SKIDA1: variants seen among roughly 807,000 people sequenced by gnomAD.
SKIDA1 encodes SKI/DACH domain containing 1, also known as SKI/DACH domain-containing protein 1.
Under a neutral mutation model 51.4 loss-of-function variants are expected in SKIDA1, and 18 were observed. That is an observed-to-expected ratio of 0.35 (90% CI 0.24 to 0.52). The LOEUF is 0.52. SKIDA1 is among the 20% of genes least tolerant of loss of function. SKIDA1 has a pLI of 0.95. For missense variants in SKIDA1, 1,104 were observed against 1,180.6 expected, an observed-to-expected ratio of 0.94 and a Z score of 0.95; for synonymous variants, 579 against 500.5, an observed-to-expected ratio of 1.16 and a Z score of -2.09.
At position 21,516,525 on chromosome 10, in the gene SKIDA1, G is replaced by T; in HGVS notation, c.1298C>A (p.Ala433Asp). 1 of 1,568,072 alleles carries T rather than the reference G, an allele frequency of 6.4e-7. No homozygotes were observed. Among genetic ancestry groups the T allele is most frequent in the South Asian group, 1.2e-5 (1 of 86,420 alleles). The part of the protein sequence containing the change: ...EEEEEEGGSG[A>D]SDSSEVSSEE... The stretch of plus-strand genomic sequence containing the variant: ...CGAGCTGACTTCACTGGAATCCGAG[G>T]CCCCGCTGCCCCCCTCCTCCTCCTC... Residue 433 changes from alanine to aspartate, a missense_variant, in exon 4 of 4, where the codon GCC becomes GAC. Ala to Asp is a moderately radical substitution (Grantham distance 126). Transcript: ENST00000449193. The surrounding 1 kb of genome is among the most constrained non-coding windows in gnomAD (Gnocchi z 5.7).
At position 21,516,421 on chromosome 10, in the gene SKIDA1, G is replaced by A; in HGVS notation, c.1402C>T (p.Arg468Cys). 1 of 1,613,394 alleles carries A rather than the reference G, an allele frequency of 6.2e-7. No individual in the cohort carries two copies. Among genetic ancestry groups the A allele is most frequent in the South Asian group, 1.1e-5 (1 of 91,064 alleles). ...CTGGGAGGCTTGCAGAAGCTGGTGCGCCTGAATCGGATGCTCTGCACTGAC... is the reference window on the plus strand; with the variant it reads ...CTGGGAGGCTTGCAGAAGCTGGTGCACCTGAATCGGATGCTCTGCACTGAC... ...QVSVQSIRFR[R>C]TSFCKPPSVQ... Residue 468 changes from arginine to cysteine, a missense_variant, in exon 4 of 4, where the codon CGC becomes TGC. Around this residue, in one of 3 missense-constraint regions of SKIDA1, gnomAD observed 938 missense variants for 886.4 expected, o/e 1.06. Coordinates refer to ENST00000449193, the MANE Select transcript of SKIDA1 (RefSeq NM_207371.4). The surrounding 1 kb of genome is among the most constrained non-coding windows in gnomAD (Gnocchi z 5.7).
Position 21,515,586 on chromosome 10 carries a change from G to A in SKIDA1, c.2237C>T (p.Pro746Leu), listed in dbSNP as rs749987100. 17 of 1,613,908 alleles carry A rather than the reference G, an allele frequency of 1.1e-5. No individual in the cohort carries two copies. The highest frequency in any genetic ancestry group is 5.3e-5 in the African/African-American group (4 of 74,928). The change falls in exon 4 of 4, where the codon CCT becomes CTT. Residue 746 changes from proline (P) to leucine (L), a missense_variant. Around this residue, in one of 3 missense-constraint regions of SKIDA1, gnomAD observed 938 missense variants for 886.4 expected, o/e 1.06. Coordinates refer to ENST00000449193, the MANE Select transcript of SKIDA1 (RefSeq NM_207371.4). ...ACTTTGAGCCAGTGGATTTAAGGAA[G>A]GAGTTTCTTTTTCAGGGCATGCAAA... ...EGFACPEKETPSLNPLAQSQG... is the reference protein window; with the variant it reads ...EGFACPEKETLSLNPLAQSQG...
chr10:21,516,789 T>G lies in SKIDA1; in HGVS notation c.1034A>C (p.His345Pro), dbSNP rs2032226349. ...PPHHHHHHHH[H>P]HHHHHHRAQP... ...GGCCCGGTGGTGGTGGTGGTGGTGG[T>G]GATGGTGGTGGTGGTGGTGGTGGTG... Residue 345 changes from histidine to proline, a missense_variant, in exon 4 of 4, where the codon CAC becomes CCC. His to Pro is a moderately conservative substitution (Grantham distance 77). Transcript: ENST00000449193. The surrounding 1 kb of genome is among the most constrained non-coding windows in gnomAD (Gnocchi z 5.7). 6.5e-7 allele frequency: 1 copy of G among 1,537,056 alleles called. No individual in the cohort carries two copies. The highest frequency in any genetic ancestry group is 8.7e-7 in the Non-Finnish European group (1 of 1,143,542).
chr10:21,517,478 C>A lies in SKIDA1; in HGVS notation c.345G>T (p.Lys115Asn). The A allele has an allele frequency of 6.5e-7, 1 of 1,540,212 alleles. No homozygotes were observed. Among genetic ancestry groups the A allele is most frequent in the Non-Finnish European group, 8.7e-7 (1 of 1,144,214 alleles). Reference sequence around the variant, plus strand: ...CAGCGGCGCGCTCTGGCGGCGGCGCCTTTGTGGCCAGGGCCCGGCCGACCC... The same window carrying A: ...CAGCGGCGCGCTCTGGCGGCGGCGCATTTGTGGCCAGGGCCCGGCCGACCC... The part of the protein sequence containing the change: ...RRRVGRALAT[K>N]APPPERAAAA... The change falls in exon 4 of 4, where the codon AAG (lysine) becomes AAT (asparagine). Residue 115 changes from lysine to asparagine, a missense_variant. Around this residue, in one of 3 missense-constraint regions of SKIDA1, gnomAD observed 938 missense variants for 886.4 expected, o/e 1.06. Coordinates refer to ENST00000449193, the MANE Select transcript of SKIDA1 (RefSeq NM_207371.4). The surrounding 1 kb of genome is among the most constrained non-coding windows in gnomAD (Gnocchi z 6.9).
rs1363021534 is a variant in SKIDA1, at chr10:21,523,743, A to C, written c.-1989T>G. 6.6e-6 allele frequency: 1 copy of C among 152,190 alleles called. No homozygotes were observed. Among genetic ancestry groups the C allele is most frequent in the Non-Finnish European group, 1.5e-5 (1 of 68,058 alleles). 9.4% of individuals were successfully genotyped at this position (152,190 alleles called of 1,614,324 possible). On this transcript the variant is annotated 5_prime_UTR_variant, in exon 2 of 4. Transcript: ENST00000449193. ...ACCACGAGGGGAGAGAGGAGAGACA[A>C]GACATGAGGAGCCTGATGGTCTCTG...
Position 21,517,675 on chromosome 10 carries a change from C to T in SKIDA1, c.148G>A (p.Asp50Asn), listed in dbSNP as rs2032285679. 1 of 1,613,864 alleles carries T rather than the reference C, an allele frequency of 6.2e-7. No individual in the cohort carries two copies. Among genetic ancestry groups the T allele is most frequent in the African/African-American group, 1.3e-5 (1 of 74,928 alleles). The part of the protein sequence containing the change: ...IPRTTVHKRM[D>N]HLKVKKHHCD... ...TGGTGCTTCTTCACTTTCAGATGATCCATGCGCTTGTGCACGGTCGTCCTC... is the reference window on the plus strand; with the variant it reads ...TGGTGCTTCTTCACTTTCAGATGATTCATGCGCTTGTGCACGGTCGTCCTC... Residue 50 changes from aspartate to asparagine, a missense_variant, in exon 4 of 4, where the codon GAT becomes AAT. Physicochemically the swap from Asp to Asn is conservative, Grantham distance 23. Transcript: ENST00000449193. This position sits in a 1 kb window ranked among gnomAD's most constrained non-coding sequence, Gnocchi z 6.9.
intron 1 of SKIDA1, chr10:21,524,616 G>A (rs2032592891): frequency 8.3e-6 from 1 of 119,812 alleles, no homozygotes; most frequent in Non-Finnish European, 1.7e-5. Flanking sequence ...GCTACAGCTT[G>A]CAGCAACGTG....
At position 21,517,672 on chromosome 10, in the gene SKIDA1, G is replaced by A. The variant is rs1564335755; in HGVS notation, c.151C>T (p.His51Tyr). 6.2e-7 allele frequency: 1 copy of A among 1,614,010 alleles called. No homozygotes were observed. Among genetic ancestry groups the A allele is most frequent in the Non-Finnish European group, 8.5e-7 (1 of 1,179,896 alleles). ...CAGTGGTGCTTCTTCACTTTCAGATGATCCATGCGCTTGTGCACGGTCGTC... is the reference window on the plus strand; with the variant it reads ...CAGTGGTGCTTCTTCACTTTCAGATAATCCATGCGCTTGTGCACGGTCGTC... Reference protein sequence around the residue: ...PRTTVHKRMDHLKVKKHHCDL... With the variant: ...PRTTVHKRMDYLKVKKHHCDL... The change falls in exon 4 of 4, where the codon CAT becomes TAT. Residue 51 changes from histidine to tyrosine, a missense_variant. Around this residue, in one of 3 missense-constraint regions of SKIDA1, gnomAD observed 54 missense variants for 126.0 expected, o/e 0.43. Coordinates refer to ENST00000449193, the MANE Select transcript of SKIDA1 (RefSeq NM_207371.4). This position sits in a 1 kb window ranked among gnomAD's most constrained non-coding sequence, Gnocchi z 6.9.
At chr10:21,522,225 CT>C (rs1347931238) in intron 2 of SKIDA1, among the ~76,000 whole-genome samples, 9 of 140,664 alleles carry the variant, frequency 6.4e-5, no homozygotes, top group Admixed American at 1.5e-4. Context: ...TCCTTCCAAG[CT>C]TTCACCCATA....
rs1477032834 is a variant in SKIDA1, at chr10:21,516,273, G to A, written c.1550C>T (p.Pro517Leu). Reference sequence around the variant, plus strand: ...CCAGCTCTGCAGATTCCACTCCGCCGGCGACTCCGCTTTGACACTACTCTT... The same window carrying A: ...CCAGCTCTGCAGATTCCACTCCGCCAGCGACTCCGCTTTGACACTACTCTT... ...DLKSSVKAES[P>L]AEWNLQSWAP... The change falls in exon 4 of 4, where the codon CCG (proline) becomes CTG (leucine). Residue 517 changes from proline to leucine, a missense_variant. Physicochemically the swap from Pro to Leu is moderately conservative, Grantham distance 98. Transcript: ENST00000449193. The surrounding 1 kb of genome is among the most constrained non-coding windows in gnomAD (Gnocchi z 5.7). 1 of 1,613,810 alleles carries A rather than the reference G, an allele frequency of 6.2e-7. No homozygotes were observed. Among genetic ancestry groups the A allele is most frequent in the African/African-American group, 1.3e-5 (1 of 74,938 alleles).
intron 2 of SKIDA1, 80 bp from the exon 3 acceptor site, chr10:21,521,560 T>C (rs564371552): frequency 5.0e-4 from 76 of 152,592 alleles, no homozygotes; most frequent in Non-Finnish European, 9.0e-4. Flanking sequence ...ACTTCTATGT[T>C]TCTCAAATGC....
At position 21,516,576 on chromosome 10, in the gene SKIDA1, T is replaced by A. The variant is rs1271292970; in HGVS notation, c.1247A>T (p.Glu416Val). The A allele has an allele frequency of 3.2e-6, 5 of 1,550,680 alleles. No homozygotes were observed. The highest frequency in any genetic ancestry group is 4.4e-6 in the Non-Finnish European group (5 of 1,146,778). The stretch of plus-strand genomic sequence containing the variant: ...TTCCTCCTCCTCCTCCTCTCCCTCC[T>A]CCTCCTCTTCCTCTGAGGACACAGA... ...SNSVSSEEEEEEGEEEEEEEE... is the reference protein window; with the variant it reads ...SNSVSSEEEEVEGEEEEEEEE... The change falls in exon 4 of 4, where the codon GAG becomes GTG. Residue 416 changes from glutamate (E) to valine (V), a missense_variant. Glu to Val is a moderately radical substitution (Grantham distance 121). Around this residue, in one of 3 missense-constraint regions of SKIDA1, gnomAD observed 938 missense variants for 886.4 expected, o/e 1.06. Transcript: ENST00000449193. This position sits in a 1 kb window ranked among gnomAD's most constrained non-coding sequence, Gnocchi z 5.7.
In SKIDA1 at chr10:21,519,227, A is replaced by G. The variant is rs1044207932; in HGVS notation, c.-1405T>C. ...AAGGTGCTTCCAGAGGTTTTACGTA[A>G]TAACAATGAAAAGAAAGTGCTGATG... is the stretch of plus-strand genomic sequence containing the variant. On this transcript the variant is annotated 5_prime_UTR_variant, in exon 4 of 4. Coordinates refer to ENST00000449193, the MANE Select transcript of SKIDA1 (RefSeq NM_207371.4). 9.6e-5 allele frequency: 16 copies of G among 167,068 alleles called. No individual in the cohort carries two copies. Among genetic ancestry groups the G allele is most frequent in the African/African-American group, 3.4e-4 (14 of 41,440 alleles). The allele number at this position is 167,068 out of a possible 1,614,324, so 10.3% of individuals were successfully genotyped here. A position where few individuals can be genotyped will look rare whatever the true frequency, so the allele number is the denominator to read the frequency against.
rs754621872 is a variant in SKIDA1 at position 21,517,124 on chromosome 10, AGCGGCGGCG to A, written c.690_698del (p.Ala242_Ala244del). ...CGGCGGCGGCGGCGGCGGCGGCAGC[AGCGGCGGCG>A]GCGGCGGCGGCGGCGGCTGCCGGGT... On this transcript the variant is annotated inframe_deletion, in exon 4 of 4. Transcript: ENST00000449193. The surrounding 1 kb of genome is among the most constrained non-coding windows in gnomAD (Gnocchi z 6.9). 976 of 1,042,084 alleles carry A rather than the reference AGCGGCGGCG, an allele frequency of 9.4e-4. 11 individuals carry two copies. Among genetic ancestry groups the A allele is most frequent in the Non-Finnish European group, 7.0e-4 (604 of 862,216 alleles). 64.6% of individuals were successfully genotyped at this position (1,042,084 alleles called of 1,614,324 possible).
At position 21,517,800 on chromosome 10, in the gene SKIDA1, A is replaced by G. The variant is rs759065865; in HGVS notation, c.23T>C (p.Phe8Ser). The G allele has an allele frequency of 3.7e-6, 6 of 1,609,404 alleles. No individual in the cohort carries two copies. The highest frequency in any genetic ancestry group is 5.1e-6 in the Non-Finnish European group (6 of 1,176,238). MGDLKSGFEEVDGVRLGY... is the reference protein window; with the variant it reads MGDLKSGSEEVDGVRLGY... Reference sequence around the variant, plus strand: ...GAGCCTCACGCCATCCACCTCTTCAAAACCTGACTTCAGGTCTCCCATCTC... The same window carrying G: ...GAGCCTCACGCCATCCACCTCTTCAGAACCTGACTTCAGGTCTCCCATCTC... The change falls in exon 4 of 4, where the codon TTT (phenylalanine) becomes TCT (serine). Residue 8 changes from phenylalanine (F) to serine (S), a missense_variant. Around this residue, in one of 3 missense-constraint regions of SKIDA1, gnomAD observed 54 missense variants for 126.0 expected, o/e 0.43. Transcript: ENST00000449193. This position sits in a 1 kb window ranked among gnomAD's most constrained non-coding sequence, Gnocchi z 6.9.
chr10:21,520,478 A>G (rs976460675), intron 3 of SKIDA1, among the ~76,000 whole-genome samples: 1 of 19,996 alleles, frequency 5.0e-5, no homozygotes, highest in African/African-American at 2.6e-4. Flanking sequence ...TCCCACCCCC[A>G]CCCCCGCCAT....
chr10:21,524,320 G>A (rs1447165313), intron 1 of SKIDA1, among the ~76,000 whole-genome samples: 1 of 152,012 alleles, frequency 6.6e-6, no homozygotes, highest in African/African-American at 2.4e-5. Context: ...ATACAAACCT[G>A]CCTTTTACTA....
Position 21,515,471 on chromosome 10 carries a change from T to C in SKIDA1, c.2352A>G (p.Leu784=). 6.2e-7 allele frequency: 1 copy of C among 1,614,048 alleles called. No homozygotes were observed. Among genetic ancestry groups the C allele is most frequent in the South Asian group, 1.1e-5 (1 of 91,086 alleles). ...GARVRKNYRT[L]VLGKRPVLQT... is the part of the protein sequence containing the mutation. ...GAAGGACAGGTCGCTTTCCCAGTAC[T>C]AGTGTCCGGTAATTTTTTCTCACCC... Residue 784 remains leucine (L), a synonymous_variant, in exon 4 of 4, where the codon CTA becomes CTG. Transcript: ENST00000449193.
chr10:21,517,124 A>AGCGGCGGCGGCGGCGGCG lies in SKIDA1; in HGVS notation c.681_698dup (p.Ala239_Ala244dup). The AGCGGCGGCGGCGGCGGCG allele has an allele frequency of 2.9e-6, 3 of 1,042,036 alleles. No individual in the cohort carries two copies. Among genetic ancestry groups the AGCGGCGGCGGCGGCGGCG allele is most frequent in the Non-Finnish European group, 3.5e-6 (3 of 862,208 alleles). 64.5% of individuals were successfully genotyped at this position (1,042,036 alleles called of 1,614,324 possible). On this transcript the variant is annotated inframe_insertion, in exon 4 of 4. Coordinates refer to ENST00000449193, the MANE Select transcript of SKIDA1 (RefSeq NM_207371.4). The surrounding 1 kb of genome is among the most constrained non-coding windows in gnomAD (Gnocchi z 6.9). ...CGGCGGCGGCGGCGGCGGCGGCAGC[A>AGCGGCGGCGGCGGCGGCG]GCGGCGGCGGCGGCGGCGGCGGCGG...
Sources: gnomAD v4.1 joint callset for allele counts (sites outside exome capture counted in the v4.1 genomes callset) on GRCh38, gnomAD v4.1.1 for gene constraint, gnomAD v4.1.1 regional missense constraint, Gnocchi (gnomAD v3.1) non-coding constraint, MANE v1.5 for transcripts, NCBI Gene and HGNC (gene_info 2026-07-23, HGNC 2026-07-21) for gene names.